Variants in SFMBT2 observed in about 807,000 individuals in gnomAD.
SFMBT2 encodes Scm like with four mbt domains 2.
In SFMBT2, 38 loss-of-function variants were observed where a neutral mutation model predicts 110.1. The ratio of observed to expected loss-of-function variants is 0.35; its 90% CI spans 0.27 to 0.45. The LOEUF (loss-of-function observed/expected upper bound fraction) is 0.45. Ranked by LOEUF, SFMBT2 falls within the 20% of genes least tolerant of loss-of-function variation. The probability of loss-of-function intolerance (pLI) is 1.00; values close to 1 mark genes in which losing one functional copy is unlikely to be tolerated. For missense variants in SFMBT2, 1,011 were observed against 1,094.9 expected (o/e 0.92, Z 1.08); for synonymous variants, 425 against 425.4 (o/e 1.00, Z 0.01).
At position 7,172,073 on chromosome 10, in the gene SFMBT2, T is replaced by C; in HGVS notation, c.2237A>G (p.Asp746Gly). Residue 746 changes from aspartate to glycine, a missense_variant, in exon 19 of 21, where the codon GAC becomes GGC. This residue lies in a region of SFMBT2 where 979 missense variants were observed against 1,016.1 expected (regional missense o/e 0.96). Transcript: ENST00000397167. This position sits in a 1 kb window ranked among gnomAD's most constrained non-coding sequence, Gnocchi z 4.6. ...CGAGGGCACCTCCGCCGACGAGGTG[T>C]CCGTCTGGTCATCCCGGAGCTCGGA... ...TGSELRDDQTDTSSAEVPSAR... is the reference protein window; with the variant it reads ...TGSELRDDQTGTSSAEVPSAR... 1 of 1,606,526 alleles carries C rather than the reference T, an allele frequency of 6.2e-7. No homozygotes were observed. Among genetic ancestry groups the C allele is most frequent in the Non-Finnish European group, 8.5e-7 (1 of 1,176,354 alleles).
At chr10:7,280,543 G>C (rs1841921744) in intron 6 of SFMBT2, among the ~76,000 whole-genome samples, 1 of 152,180 alleles carries the variant, frequency 6.6e-6, no homozygotes, top group Non-Finnish European at 1.5e-5. Context: ...CCAGAAATAG[G>C]AGAGCAGGTG....
chr10:7,367,567 G>T lies in SFMBT2; in HGVS notation c.436+82C>A. ...TAAGACCATTAGGGATTCTACGCAA[G>T]GTTCTCTCTGCTCCTTGCAAAATTA... On this transcript the variant is annotated intron_variant, in intron 4 of 20. Transcript: ENST00000397167. This position sits in a 1 kb window ranked among gnomAD's most constrained non-coding sequence, Gnocchi z 6.2. The T allele has an allele frequency of 6.5e-7, 1 of 1,534,000 alleles. No homozygotes were observed. Among genetic ancestry groups the T allele is most frequent in the Non-Finnish European group, 8.7e-7 (1 of 1,145,138 alleles).
chr10:7,226,866 G>A (rs575184197), intron 10 of SFMBT2, among the ~76,000 whole-genome samples: 1 of 152,306 alleles, frequency 6.6e-6, no homozygotes, highest in South Asian at 2.1e-4. Context: ...GAATCTCAGA[G>A]CTGTATGTAG....
intron 4 of SFMBT2, among the ~76,000 whole-genome samples, chr10:7,360,946 C>T (rs967545922): frequency 2.6e-5 from 4 of 152,202 alleles, no homozygotes; most frequent in Non-Finnish European, 5.9e-5. Context: ...TACTAACTCA[C>T]TTTTTAAAAT....
At chr10:7,317,079 C>T (rs1325918524) in intron 4 of SFMBT2, among the ~76,000 whole-genome samples, 1 of 152,094 alleles carries the variant, frequency 6.6e-6, no homozygotes, top group Non-Finnish European at 1.5e-5. Flanking sequence ...CAGTTGCAGT[C>T]TTTGCAGGGC....
chr10:7,366,846 G>T (rs931023335), intron 4 of SFMBT2, among the ~76,000 whole-genome samples: 27 of 152,180 alleles, frequency 1.8e-4, no homozygotes, highest in African/African-American at 6.0e-4. Flanking sequence ...CATTGCGGGG[G>T]TTTAGCATCA....
intron 6 of SFMBT2, among the ~76,000 whole-genome samples, chr10:7,279,137 A>G (rs1177453953): frequency 1.3e-5 from 2 of 151,890 alleles, no homozygotes; most frequent in Non-Finnish European, 2.9e-5. Context: ...GAGGAATGGA[A>G]ATCCAACATG....
chr10:7,349,711 G>A (rs1025070831), intron 4 of SFMBT2, among the ~76,000 whole-genome samples: 14 of 151,558 alleles, frequency 9.2e-5, no homozygotes, highest in African/African-American at 2.9e-4. Flanking sequence ...TGCCTGTCTC[G>A]GCCTCCCAAA....
intron 4 of SFMBT2, among the ~76,000 whole-genome samples, chr10:7,363,766 G>A (rs1299718768): frequency 6.6e-6 from 1 of 152,122 alleles, no homozygotes; most frequent in Admixed American, 6.5e-5. Context: ...CACCCATGGA[G>A]CTAAGTTAAT....
intron 3 of SFMBT2, chr10:7,368,340 T>TG: frequency 1.0e-6 from 1 of 985,020 alleles, no homozygotes; most frequent in Non-Finnish European, 1.2e-6. Flanking sequence ...CCCTAGAAAA[T>TG]GGAGTTGTTT....
chr10:7,238,829 T>A (rs1409525684), intron 9 of SFMBT2, among the ~76,000 whole-genome samples: 1 of 152,244 alleles, frequency 6.6e-6, no homozygotes, highest in East Asian at 1.9e-4. Flanking sequence ...GAAATAATTT[T>A]AAAATAGAAA....
intron 20 of SFMBT2, among the ~76,000 whole-genome samples, chr10:7,169,584 T>C (rs935584865): frequency 7.9e-5 from 12 of 152,114 alleles, no homozygotes; most frequent in African/African-American, 2.7e-4. Context: ...ATCTTTAACA[T>C]TATATGAAAA....
At chr10:7,225,999 T>A (rs1480214062) in intron 10 of SFMBT2, among the ~76,000 whole-genome samples, 1 of 152,188 alleles carries the variant, frequency 6.6e-6, no homozygotes, top group Non-Finnish European at 1.5e-5. Context: ...GCAGTCCTCA[T>A]GGGGGCATGG....
At chr10:7,401,960 T>C (rs1043076464) in intron 1 of SFMBT2, among the ~76,000 whole-genome samples, 7 of 152,180 alleles carry the variant, frequency 4.6e-5, no homozygotes, top group Admixed American at 1.3e-4. Context: ...CTGTCTTTAA[T>C]TGAAGAACTG....
chr10:7,194,021 T>A (rs113789975), intron 15 of SFMBT2, among the ~76,000 whole-genome samples: 16 of 152,222 alleles, frequency 1.1e-4, no homozygotes, highest in Non-Finnish European at 2.1e-4. Context: ...ATAAACAGCA[T>A]CACCACTGCC....
intron 1 of SFMBT2, among the ~76,000 whole-genome samples, chr10:7,400,995 TG>T (rs1307732075): frequency 6.6e-6 from 1 of 152,074 alleles, no homozygotes; most frequent in Non-Finnish European, 1.5e-5. Context: ...TAGCCAGGCA[TG>T]GTGGCACATG....
chr10:7,368,014 G>T, intron 3 of SFMBT2, 125 bp from the exon 4 acceptor site: 1 of 1,351,638 alleles, frequency 7.4e-7, no homozygotes, highest in Non-Finnish European at 9.9e-7. Context: ...AAACAGGCAT[G>T]TATTTATCTA....
intron 6 of SFMBT2, among the ~76,000 whole-genome samples, chr10:7,283,198 A>G (rs1841996654): frequency 6.6e-6 from 1 of 152,222 alleles, no homozygotes; most frequent in Non-Finnish European, 1.5e-5. Context: ...ACATTCAAGA[A>G]TGGTTATTTT....
chr10:7,164,859 C>T (rs1196197478), intron 20 of SFMBT2, among the ~76,000 whole-genome samples: 1 of 152,012 alleles, frequency 6.6e-6, no homozygotes, highest in East Asian at 1.9e-4. Flanking sequence ...CCCACTGTGT[C>T]CTGCCTCAGC....
Sources: gnomAD v4.1 joint callset for allele counts (sites outside exome capture counted in the v4.1 genomes callset) on GRCh38, gnomAD v4.1.1 for gene constraint, gnomAD v4.1.1 regional missense constraint, Gnocchi (gnomAD v3.1) non-coding constraint, MANE v1.5 for transcripts, NCBI Gene and HGNC (gene_info 2026-07-23, HGNC 2026-07-21) for gene names.